Variants in KMT2C observed in about 807,000 individuals in gnomAD.
KMT2C encodes the protein lysine methyltransferase 2C, also known as histone-lysine N-methyltransferase 2C.
A neutral mutation model predicts 507.9 loss-of-function variants in KMT2C; 88 were observed. That is an observed-to-expected ratio of 0.17 (90% CI 0.15 to 0.21). The LOEUF (loss-of-function observed/expected upper bound fraction) is 0.21, where lower values mean the gene tolerates loss of function less well. KMT2C is among the 10% of genes least tolerant of loss of function. The pLI, the probability that KMT2C is intolerant of heterozygous loss-of-function variation, is 1.00. For synonymous variants in KMT2C, 2,049 were observed against 2,080.8 expected (o/e 0.98, Z 0.42); for missense variants, 4,954 against 5,957.8 (o/e 0.83, Z 5.55).
At chr7:152,160,613 T>TTA (rs150199893) in intron 43 of KMT2C, among the ~76,000 whole-genome samples, 10,735 of 147,426 alleles carry the variant, frequency 0.073, 550 homozygotes, top group Non-Finnish European at 0.11. Context: ...TAAAAATTAA[T>TTA]TATATATATA....
intron 6 of KMT2C, among the ~76,000 whole-genome samples, chr7:152,297,007 AAG>A (rs1220235538): frequency 2.6e-5 from 2 of 77,624 alleles, no homozygotes; most frequent in African/African-American, 1.5e-4. Context: ...AAAAGAAAGA[AAG>A]AAAGAAAGAA....
chr7:152,319,710 C>T (rs1449292430), intron 3 of KMT2C, among the ~76,000 whole-genome samples: 7 of 152,132 alleles, frequency 4.6e-5, no homozygotes, highest in South Asian at 2.1e-4. Context: ...GCTCCTAGTC[C>T]GCCTTCATGT....
chr7:152,174,048 T>A, intron 39 of KMT2C, 83 bp downstream of exon 39: 1 of 748,450 alleles, frequency 1.3e-6, no homozygotes, highest in South Asian at 1.8e-5. Flanking sequence ...GGCTTTCCAT[T>A]TTCTGTATGT....
At chr7:152,356,940 A>G (rs984101554) in intron 2 of KMT2C, among the ~76,000 whole-genome samples, 1 of 150,100 alleles carries the variant, frequency 6.7e-6, no homozygotes, top group African/African-American at 2.5e-5. Flanking sequence ...TAATAGCAAT[A>G]ATAATAATTA....
intron 16 of KMT2C, among the ~76,000 whole-genome samples, chr7:152,232,191 T>TA (rs2095139511): frequency 6.6e-6 from 1 of 152,226 alleles, no homozygotes; most frequent in Non-Finnish European, 1.5e-5. Context: ...AAGGCAGTTT[T>TA]AATGGATAGT....
At chr7:152,159,889 C>T (rs765717151) in intron 43 of KMT2C, among the ~76,000 whole-genome samples, 2 of 152,256 alleles carry the variant, frequency 1.3e-5, no homozygotes, top group Middle Eastern at 3.4e-3. Flanking sequence ...GAATCTCTGA[C>T]GGTTCTGAAA....
intron 2 of KMT2C, among the ~76,000 whole-genome samples, chr7:152,350,191 A>G (rs1156569812): frequency 6.6e-6 from 1 of 152,236 alleles, no homozygotes; most frequent in African/African-American, 2.4e-5. Context: ...CAGAAGTTGC[A>G]GTGAGCCGAG....
chr7:152,177,045 G>A lies in KMT2C; in HGVS notation c.8408C>T (p.Thr2803Ile), dbSNP rs2129114118. 6.2e-7 allele frequency: 1 copy of A among 1,612,600 alleles called. No homozygotes were observed. Among genetic ancestry groups the A allele is most frequent in the Non-Finnish European group, 8.5e-7 (1 of 1,179,682 alleles). ...EPKKKEQENK[T>I]LVLSDKHSPQ... is the part of the protein sequence containing the mutation. ...TGAATGTTTATCAGAGAGAACCAGA[G>A]TTTTGTTTTCTTGTTCCTTTTTTTT... Residue 2803 changes from threonine (T) to isoleucine (I), a missense_variant, in exon 38 of 59, where the codon ACT becomes ATT. This residue lies in a region of KMT2C where 1,689 missense variants were observed against 1,654.3 expected (regional missense o/e 1.02). Coordinates refer to ENST00000262189, the MANE Select transcript of KMT2C (RefSeq NM_170606.3).
At chr7:152,218,228 G>T (rs1419539111) in intron 23 of KMT2C, among the ~76,000 whole-genome samples, 2 of 151,918 alleles carry the variant, frequency 1.3e-5, no homozygotes, top group African/African-American at 4.8e-5. Context: ...GCAGTGGCTC[G>T]ATCTTGGCTC....
intron 55 of KMT2C, among the ~76,000 whole-genome samples, chr7:152,143,590 A>G (rs1285239474): frequency 6.6e-6 from 1 of 152,228 alleles, no homozygotes; most frequent in Non-Finnish European, 1.5e-5. Flanking sequence ...GTTTTAGTGC[A>G]AACACAGAGG....
At chr7:152,194,888 C>T (rs1414050465) in intron 28 of KMT2C, among the ~76,000 whole-genome samples, 3 of 150,242 alleles carry the variant, frequency 2.0e-5, no homozygotes, top group Non-Finnish European at 3.0e-5. Context: ...TATGAGAAAT[C>T]GATATGCAAA....
intron 3 of KMT2C, among the ~76,000 whole-genome samples, chr7:152,325,305 C>T (rs182333148): frequency 6.6e-6 from 1 of 151,920 alleles, no homozygotes; most frequent in African/African-American, 2.4e-5. Flanking sequence ...CCCACCACCA[C>T]GCCCAGCTAA....
intron 1 of KMT2C, among the ~76,000 whole-genome samples, chr7:152,364,667 CAT>C (rs1384713142): frequency 6.7e-6 from 1 of 149,266 alleles, no homozygotes. Flanking sequence ...GAAAAGTTAA[CAT>C]GTGATTAGAA....
chr7:152,276,896 G>A (rs2096091988), intron 6 of KMT2C, among the ~76,000 whole-genome samples: 3 of 152,182 alleles, frequency 2.0e-5, no homozygotes, highest in Non-Finnish European at 4.4e-5. Context: ...AAGGAAAAAA[G>A]TAACATGTTA....
chr7:152,275,718 C>T (rs984560586), intron 6 of KMT2C, among the ~76,000 whole-genome samples: 1 of 152,064 alleles, frequency 6.6e-6, no homozygotes, highest in South Asian at 2.1e-4. Flanking sequence ...AAATACAACA[C>T]CTCGGTAGTC....
chr7:152,292,453 A>C (rs1281099525), intron 6 of KMT2C, among the ~76,000 whole-genome samples: 1 of 152,224 alleles, frequency 6.6e-6, no homozygotes, highest in Non-Finnish European at 1.5e-5. Context: ...AGTGCAACAG[A>C]AGTCATATAT....
At chr7:152,296,864 G>T (rs1298109890) in intron 6 of KMT2C, among the ~76,000 whole-genome samples, 5 of 151,878 alleles carry the variant, frequency 3.3e-5, no homozygotes, top group Admixed American at 6.6e-5. Flanking sequence ...ACATGGCAGG[G>T]CATGGTGGCT....
In KMT2C at chr7:152,275,018, CCTG is replaced by C. The variant is rs531074388; in HGVS notation, c.850-1154_850-1152del. Among the ~76,000 whole-genome samples the C allele has an allele frequency of 1.2e-4, 19 of 152,234 alleles. No individual in the cohort carries two copies. The East Asian group carries it at 3.1e-3, about 25-fold the overall frequency. ...CCTCATGTAACACAGACAGTTGGACCCTGCTAACATTACTGTGGATATCTTCAC... is the reference window on the plus strand; with the variant it reads ...CCTCATGTAACACAGACAGTTGGACCCTAACATTACTGTGGATATCTTCAC... On this transcript the variant is annotated intron_variant, in intron 6 of 58. Transcript: ENST00000262189.
chr7:152,154,559 T>C (rs2091903179), intron 46 of KMT2C, 114 bp from the exon 47 acceptor site: 2 of 795,320 alleles, frequency 2.5e-6, no homozygotes, highest in Admixed American at 2.5e-5. Context: ...GGGCAGCACC[T>C]ATACGATGAG....
Sources: allele counts gnomAD v4.1 joint callset (sites outside exome capture counted in the v4.1 genomes callset), GRCh38; gene constraint gnomAD v4.1.1; regional missense constraint gnomAD v4.1.1; transcripts MANE v1.5; gene names NCBI Gene and HGNC (gene_info 2026-07-23, HGNC 2026-07-21).